Variants in KIAA1958 observed in about 807,000 individuals in gnomAD.
The protein encoded by KIAA1958 is uncharacterized protein KIAA1958.
A neutral mutation model predicts 47.2 loss-of-function variants in KIAA1958; 14 were observed. The observed-to-expected ratio is 0.30, with a 90% CI of 0.20 to 0.46. The LOEUF is 0.46. Among genes scored for constraint, KIAA1958 ranks in the 20% least tolerant of loss-of-function variants. KIAA1958 has a pLI of 1.00. For synonymous variants in KIAA1958, 354 were observed against 353.3 expected (o/e 1.00, Z -0.02); for missense variants, 803 against 909.2 (o/e 0.88, Z 1.50).
At position 112,658,510 on chromosome 9, in the gene KIAA1958, TAA is replaced by T. The variant is rs149706476; in HGVS notation, c.1345-752_1345-751del. Among the ~76,000 whole-genome samples, 934 of 152,294 alleles carry T rather than the reference TAA, an allele frequency of 6.1e-3. 13 individuals are homozygous for T. Among genetic ancestry groups the T allele is most frequent in the African/African-American group, 0.022 (901 of 41,554 alleles). On this transcript the variant is annotated intron_variant, in intron 3 of 3. Coordinates refer to ENST00000337530, the MANE Select transcript of KIAA1958 (RefSeq NM_133465.4). Reference sequence around the variant, plus strand: ...GAAAGTTACAAACAACCAATAATAATAAGTGTGTATATATAGATGTATTTGCA... The same window carrying T: ...GAAAGTTACAAACAACCAATAATAATGTGTGTATATATAGATGTATTTGCA...
intron 3 of KIAA1958, among the ~76,000 whole-genome samples, chr9:112,647,418 T>G (rs1229315921): frequency 6.6e-6 from 1 of 152,032 alleles, no homozygotes; most frequent in East Asian, 1.9e-4. Flanking sequence ...TCAGGTTTTT[T>G]TGCAGATTCA....
chr9:112,638,881 C>T (rs1836851624), intron 2 of KIAA1958, among the ~76,000 whole-genome samples: 1 of 152,114 alleles, frequency 6.6e-6, no homozygotes, highest in Non-Finnish European at 1.5e-5. Flanking sequence ...GTTACACCTG[C>T]TTGTTACCCA....
chr9:112,624,511 G>A (rs540095002), intron 2 of KIAA1958, among the ~76,000 whole-genome samples: 1 of 152,310 alleles, frequency 6.6e-6, no homozygotes, highest in South Asian at 2.1e-4. Context: ...TTGGGAGTTG[G>A]TGTATTTCTA....
intron 1 of KIAA1958, among the ~76,000 whole-genome samples, chr9:112,492,095 G>A (rs1282579879): frequency 6.6e-6 from 1 of 152,154 alleles, no homozygotes; most frequent in Admixed American, 6.5e-5. Context: ...AACCAGCTAG[G>A]ACTACTTCCT....
intron 1 of KIAA1958, among the ~76,000 whole-genome samples, chr9:112,531,026 C>T (rs899612474): frequency 3.3e-5 from 5 of 152,084 alleles, no homozygotes; most frequent in Non-Finnish European, 7.3e-5. Flanking sequence ...CATGTGATTG[C>T]GCAACAACAT....
At chr9:112,596,081 A>C (rs1836024611) in intron 2 of KIAA1958, among the ~76,000 whole-genome samples, 1 of 152,150 alleles carries the variant, frequency 6.6e-6, no homozygotes, top group Non-Finnish European at 1.5e-5. Context: ...CACCGCACCC[A>C]GCCGAAAACA....
chr9:112,503,897 A>G (rs904485037), intron 1 of KIAA1958, among the ~76,000 whole-genome samples: 1 of 147,460 alleles, frequency 6.8e-6, no homozygotes, highest in African/African-American at 2.5e-5. Flanking sequence ...CTAAAATGCT[A>G]ACAGTGTTAA....
chr9:112,512,399 G>C (rs1490462680), intron 1 of KIAA1958, among the ~76,000 whole-genome samples: 1 of 151,568 alleles, frequency 6.6e-6, no homozygotes, highest in Non-Finnish European at 1.5e-5. Flanking sequence ...AAAACCATAT[G>C]ATCATTTGAT....
intron 2 of KIAA1958, among the ~76,000 whole-genome samples, chr9:112,576,776 G>T (rs1232591141): frequency 2.6e-5 from 4 of 151,954 alleles, no homozygotes; most frequent in African/African-American, 9.7e-5. Context: ...TCATATTTTG[G>T]CTATTATGAA....
chr9:112,567,144 T>A (rs952200542), intron 1 of KIAA1958, among the ~76,000 whole-genome samples: 5 of 152,114 alleles, frequency 3.3e-5, no homozygotes, highest in Non-Finnish European at 7.3e-5. Context: ...CAGGGAGGAA[T>A]GTATTATTTT....
At chr9:112,545,483 G>A (rs115711394) in intron 1 of KIAA1958, among the ~76,000 whole-genome samples, 4,155 of 152,208 alleles carry the variant, frequency 0.027, 113 homozygotes, top group Admixed American at 0.069. Flanking sequence ...CTTGTTATAT[G>A]CCATTCTATT....
At chr9:112,655,073 T>C (rs1395681660) in intron 3 of KIAA1958, among the ~76,000 whole-genome samples, 1 of 152,198 alleles carries the variant, frequency 6.6e-6, no homozygotes, top group Non-Finnish European at 1.5e-5. Context: ...TTCATTTGGG[T>C]ACAGTTTTTC....
At chr9:112,635,627 A>C (rs1443991762) in intron 2 of KIAA1958, among the ~76,000 whole-genome samples, 1 of 152,076 alleles carries the variant, frequency 6.6e-6, no homozygotes, top group African/African-American at 2.4e-5. Context: ...GCTTTTCTAG[A>C]TATTTGTCCA....
intron 2 of KIAA1958, among the ~76,000 whole-genome samples, chr9:112,589,251 G>C (rs1354075859): frequency 6.6e-6 from 1 of 152,048 alleles, no homozygotes; most frequent in Non-Finnish European, 1.5e-5. Context: ...TCATTTTTCT[G>C]ATTCTCCCAG....
chr9:112,491,035 A>G lies in KIAA1958; in HGVS notation c.-25+3917A>G, dbSNP rs1833959995. Among the ~76,000 whole-genome samples, 3 of 152,346 alleles carry G rather than the reference A, an allele frequency of 2.0e-5. No homozygotes were observed. In the South Asian group the frequency reaches 6.2e-4, roughly 32 times the overall value. On this transcript the variant is annotated intron_variant, in intron 1 of 3. Transcript: ENST00000337530. ...CACGCTGGAATACAGTGGTGCAACC[A>G]TAGCTTACTGCCTCTTCAAACTCCT...
intron 1 of KIAA1958, among the ~76,000 whole-genome samples, chr9:112,554,645 T>C (rs1835210928): frequency 6.6e-6 from 1 of 152,154 alleles, no homozygotes; most frequent in Non-Finnish European, 1.5e-5. Context: ...AAACACTAGA[T>C]AAAAACACAG....
At chr9:112,601,911 G>A (rs10981454) in intron 2 of KIAA1958, among the ~76,000 whole-genome samples, 3 of 152,114 alleles carry the variant, frequency 2.0e-5, no homozygotes, top group South Asian at 2.1e-4. Context: ...ACATACTATC[G>A]TTCCAAATTT....
intron 2 of KIAA1958, among the ~76,000 whole-genome samples, chr9:112,639,800 C>G (rs1836863733): frequency 6.6e-6 from 1 of 152,174 alleles, no homozygotes; most frequent in African/African-American, 2.4e-5. Context: ...CATCAATACA[C>G]ACATACTGTG....
At chr9:112,500,366 G>A (rs966694863) in intron 1 of KIAA1958, among the ~76,000 whole-genome samples, 11 of 152,136 alleles carry the variant, frequency 7.2e-5, no homozygotes, top group Non-Finnish European at 1.5e-4. Context: ...CTCCCAAAGT[G>A]CTGGGATTAC....
Sources: allele counts gnomAD v4.1 joint callset (sites outside exome capture counted in the v4.1 genomes callset), GRCh38; gene constraint gnomAD v4.1.1; transcripts MANE v1.5; gene names NCBI Gene and HGNC (gene_info 2026-07-23, HGNC 2026-07-21).